The following CTSS variants were observed in gnomAD, a reference collection of about 807,000 sequenced individuals.
The protein encoded by CTSS is cathepsin S.
A neutral mutation model predicts 39.9 loss-of-function variants in CTSS; 15 were observed. The ratio of observed to expected loss-of-function variants is 0.38; its 90% CI spans 0.25 to 0.58. The LOEUF is 0.58. Ranked by LOEUF, CTSS falls within the 20% of genes least tolerant of loss-of-function variation. The probability of loss-of-function intolerance (pLI) is 0.70; values close to 1 mark genes in which losing one functional copy is unlikely to be tolerated. For missense variants in CTSS, 250 were observed against 398.2 expected, an observed-to-expected ratio of 0.63 and a Z score of 3.17; for synonymous variants, 126 against 138.2, an observed-to-expected ratio of 0.91 and a Z score of 0.62.
At chr1:150,738,009 G>C (rs964112785) in intron 7 of CTSS, among the ~76,000 whole-genome samples, 1 of 152,198 alleles carries the variant, frequency 6.6e-6, no homozygotes, top group Non-Finnish European at 1.5e-5. Flanking sequence ...GGAGAGGCAG[G>C]CTAAGGCCAG....
intron 2 of CTSS, among the ~76,000 whole-genome samples, chr1:150,761,822 A>T (rs1404701435): frequency 6.6e-6 from 1 of 152,254 alleles, no homozygotes; most frequent in Non-Finnish European, 1.5e-5. Flanking sequence ...GATTGGAAGA[A>T]TTAATATTGC....
intron 6 of CTSS, 113 bp from the exon 7 acceptor site, chr1:150,747,992 T>G: frequency 1.4e-6 from 1 of 723,508 alleles, no homozygotes; most frequent in Admixed American, 2.7e-5. Flanking sequence ...CAAGGTTAAT[T>G]TAAAAAGTTA....
chr1:150,739,722 GAA>G (rs140304908), intron 7 of CTSS, among the ~76,000 whole-genome samples: 129 of 151,708 alleles, frequency 8.5e-4, no homozygotes, highest in African/African-American at 3.0e-3. Context: ...AAAAAGTAAA[GAA>G]AAAAAGTGAA....
intron 7 of CTSS, among the ~76,000 whole-genome samples, chr1:150,744,648 C>T (rs1308466700): frequency 7.3e-6 from 1 of 136,574 alleles, no homozygotes; most frequent in Admixed American, 7.8e-5. Flanking sequence ...TGTATGCATA[C>T]ATAATATGTA....
intron 1 of CTSS, among the ~76,000 whole-genome samples, chr1:150,765,300 T>TC (rs200064022): frequency 0.085 from 12,714 of 149,436 alleles, 1,476 homozygotes; most frequent in African/African-American, 0.27. Flanking sequence ...TTTTTTTTTT[T>TC]AATGATCAGA....
At position 150,747,663 on chromosome 1, in the gene CTSS, GTTCATCAT is replaced by G. The variant is rs1265560029; in HGVS notation, c.896+106_896+113del. ...ATGTCACTTTGTAAGAAGCTATAAAGTTCATCATTGTCAATATCGTGATCATAATGATC... is the reference window on the plus strand; with the variant it reads ...ATGTCACTTTGTAAGAAGCTATAAAGTGTCAATATCGTGATCATAATGATC... On this transcript the variant is annotated intron_variant, in intron 7 of 7. Coordinates refer to ENST00000368985, the MANE Select transcript of CTSS (RefSeq NM_004079.5). The G allele has an allele frequency of 4.2e-6, 3 of 716,702 alleles. No individual in the cohort carries two copies. The African/African-American group carries it at 5.4e-5, about 13-fold the overall frequency. 44.4% of individuals were successfully genotyped at this position (716,702 alleles called of 1,614,324 possible).
chr1:150,743,635 A>T (rs1652821669), intron 7 of CTSS, among the ~76,000 whole-genome samples: 1 of 89,712 alleles, frequency 1.1e-5, no homozygotes, highest in African/African-American at 3.4e-5. Context: ...ATGTATACAT[A>T]ATATATTATA....
intron 3 of CTSS, among the ~76,000 whole-genome samples, chr1:150,755,807 G>T (rs917037030): frequency 6.6e-6 from 1 of 152,018 alleles, no homozygotes; most frequent in African/African-American, 2.4e-5. Context: ...GCCTGGAGTT[G>T]CTCTGGGTGA....
intron 5 of CTSS, 86 bp from the exon 6 acceptor site, chr1:150,750,257 C>G (rs587615128): frequency 1.9e-6 from 2 of 1,074,780 alleles, no homozygotes; most frequent in African/African-American, 3.2e-5. Context: ...TTAAATGTCT[C>G]CCTTCCTTTC....
At chr1:150,759,974 A>G (rs1340034264) in intron 2 of CTSS, among the ~76,000 whole-genome samples, 1 of 152,062 alleles carries the variant, frequency 6.6e-6, no homozygotes, top group African/African-American at 2.4e-5. Flanking sequence ...CTTCCAAACC[A>G]CAAGATGAGA....
chr1:150,743,605 ATATAT>A (rs1428375361), intron 7 of CTSS, among the ~76,000 whole-genome samples: 13 of 108,730 alleles, frequency 1.2e-4, no homozygotes, highest in South Asian at 7.7e-4. Flanking sequence ...TGTATACATA[ATATAT>A]TATATATGTA....
intron 7 of CTSS, among the ~76,000 whole-genome samples, chr1:150,736,412 A>G (rs1382831518): frequency 6.6e-6 from 1 of 152,194 alleles, no homozygotes; most frequent in Non-Finnish European, 1.5e-5. Context: ...ATCTATGCCT[A>G]TCCCTACAGT....
intron 7 of CTSS, among the ~76,000 whole-genome samples, chr1:150,735,421 T>C (rs779598701): frequency 3.2e-4 from 49 of 152,188 alleles, no homozygotes; most frequent in Non-Finnish European, 5.7e-4. Context: ...TTTTCTTATC[T>C]CTCTCTGGTC....
At chr1:150,758,002 C>T (rs201641562) in intron 2 of CTSS, 22 bp from the exon 3 acceptor site, 170 of 1,608,236 alleles carry the variant, frequency 1.1e-4, no homozygotes, top group Middle Eastern at 8.3e-4. Flanking sequence ...TGAAGAAGAA[C>T]ATAGTCATAC....
chr1:150,764,480 C>T (rs938670902), intron 2 of CTSS, among the ~76,000 whole-genome samples, 158 bp downstream of exon 2: 2 of 152,144 alleles, frequency 1.3e-5, no homozygotes, highest in East Asian at 1.9e-4. Context: ...TCAGGTGATC[C>T]GCTCACCTTG....
chr1:150,761,113 A>G (rs1386228494), intron 2 of CTSS, among the ~76,000 whole-genome samples: 3 of 144,032 alleles, frequency 2.1e-5, no homozygotes, highest in Middle Eastern at 3.3e-3. Context: ...TGGGAGGCGG[A>G]GGTTGCAGTG....
Position 150,740,878 on chromosome 1 carries a change from G to A in CTSS, c.896+6899C>T, listed in dbSNP as rs587627055. Among the ~76,000 whole-genome samples, 23 of 150,962 alleles carry A rather than the reference G, an allele frequency of 1.5e-4. No individual in the cohort carries two copies. The South Asian group carries it at 2.7e-3, about 18-fold the overall frequency. ...CCTGGCTTATTTTTGTATAGAGATG[G>A]GGTCTCACTATGTTCCCCATGCTGG... is the stretch of plus-strand genomic sequence containing the variant. On this transcript the variant is annotated intron_variant, in intron 7 of 7. Transcript: ENST00000368985.
chr1:150,751,503 C>T (rs1283504414), intron 5 of CTSS, among the ~76,000 whole-genome samples: 6 of 152,100 alleles, frequency 3.9e-5, no homozygotes, highest in African/African-American at 1.4e-4. Context: ...CCACCTCGGC[C>T]TTCCAAAGTG....
At chr1:150,749,257 C>A (rs1311031127) in intron 6 of CTSS, among the ~76,000 whole-genome samples, 1 of 152,210 alleles carries the variant, frequency 6.6e-6, no homozygotes, top group African/African-American at 2.4e-5. Flanking sequence ...CCACTTGTAC[C>A]GAACAGTCAG....
Sources: allele counts gnomAD v4.1 joint callset (sites outside exome capture counted in the v4.1 genomes callset), GRCh38; gene constraint gnomAD v4.1.1; transcripts MANE v1.5; gene names NCBI Gene and HGNC (gene_info 2026-07-23, HGNC 2026-07-21).